The following FAM114A2 variants were observed in gnomAD, a reference collection of about 807,000 sequenced individuals.
The protein encoded by FAM114A2 is family with sequence similarity 114 member A2, also known as protein FAM114A2.
Under a neutral mutation model 58.4 loss-of-function variants are expected in FAM114A2, and 53 were observed. That is an observed-to-expected ratio of 0.91 (90% CI 0.73 to 1.14). FAM114A2 has a LOEUF of 1.14. Ranked by LOEUF, FAM114A2 falls within the 50% of genes most tolerant of loss-of-function variation. The pLI is 0.00. For synonymous variants in FAM114A2, 228 were observed against 211.4 expected, an observed-to-expected ratio of 1.08 and a Z score of -0.68; for missense variants, 601 against 581.1, an observed-to-expected ratio of 1.03 and a Z score of -0.35.
chr5:154,027,551 A>G, intron 6 of FAM114A2: 1 of 395,780 alleles, frequency 2.5e-6, no homozygotes, highest in Non-Finnish European at 4.5e-6. Context: ...CCCAGGCTGG[A>G]GTGCAGTGGC....
rs754928598 is a variant in FAM114A2 at position 154,026,501 on chromosome 5, G to C, written c.811C>G (p.Leu271Val). Residue 271 changes from leucine to valine, a missense_variant, in exon 8 of 14, where the codon CTG becomes GTG. Leu to Val is a conservative substitution (Grantham distance 32, BLOSUM62 1). Transcript: ENST00000351797. ...EIKVKSILNS[L>V]SGEELETLKV... Reference sequence around the variant, plus strand: ...AGAGTCTCTAATTCTTCTCCACTCAGAGAATTAAGGATAGATTTCACCTGA... The same window carrying C: ...AGAGTCTCTAATTCTTCTCCACTCACAGAATTAAGGATAGATTTCACCTGA... 5 of 1,534,394 alleles carry C rather than the reference G, an allele frequency of 3.3e-6. No homozygotes were observed. In the South Asian group the frequency reaches 5.1e-5, roughly 16 times the overall value.
At chr5:154,021,131 T>C (rs1442623727) in intron 8 of FAM114A2, among the ~76,000 whole-genome samples, 2 of 152,180 alleles carry the variant, frequency 1.3e-5, no homozygotes, top group South Asian at 2.1e-4. Flanking sequence ...AAACTAGGTA[T>C]TGATGGAACG....
At chr5:154,020,510 A>G (rs760492386) in intron 8 of FAM114A2, among the ~76,000 whole-genome samples, 1 of 152,198 alleles carries the variant, frequency 6.6e-6, no homozygotes, top group Non-Finnish European at 1.5e-5. Context: ...AGAGAATACT[A>G]TCAACACCTC....
At chr5:154,005,947 C>T (rs755960075) in intron 9 of FAM114A2, among the ~76,000 whole-genome samples, 3 of 152,156 alleles carry the variant, frequency 2.0e-5, no homozygotes, top group Non-Finnish European at 2.9e-5. Flanking sequence ...CAAGGCTACC[C>T]GAATGAGCTA....
At chr5:154,029,151 C>A (rs1772008077) in intron 5 of FAM114A2, among the ~76,000 whole-genome samples, 1 of 152,088 alleles carries the variant, frequency 6.6e-6, no homozygotes, top group South Asian at 2.1e-4. Context: ...CTAAAAGATG[C>A]AACTATGAGA....
chr5:154,000,892 T>G (rs1769926132), intron 11 of FAM114A2, among the ~76,000 whole-genome samples: 2 of 152,240 alleles, frequency 1.3e-5, no homozygotes, highest in Non-Finnish European at 2.9e-5. Context: ...TCTCAGTTCT[T>G]AATAATAGTT....
At chr5:154,034,006 C>G (rs1772368214) in intron 3 of FAM114A2, 123 bp from the exon 4 acceptor site, 1 of 687,088 alleles carries the variant, frequency 1.5e-6, no homozygotes, top group Admixed American at 2.9e-5. Context: ...CAATACATAA[C>G]TAATCTTGGC....
intron 5 of FAM114A2, among the ~76,000 whole-genome samples, chr5:154,028,780 G>A (rs1420670384): frequency 6.6e-6 from 1 of 152,184 alleles, no homozygotes; most frequent in African/African-American, 2.4e-5. Context: ...TTCCACTTAT[G>A]TAAAGCTGAA....
At position 154,035,731 on chromosome 5, in the gene FAM114A2, TAAGTTC is replaced by T. The variant is rs1772512990; in HGVS notation, c.-14-770_-14-765del. ...GAGTGCAACTGCTGGGTCATATGGT[TAAGTTC>T]ATGTTTAGTTTTATGAGAAACTGCC... On this transcript the variant is annotated intron_variant, in intron 1 of 13. Coordinates refer to ENST00000351797, the MANE Select transcript of FAM114A2 (RefSeq NM_018691.4). Among the ~76,000 whole-genome samples, 3 of 152,372 alleles carry T rather than the reference TAAGTTC, an allele frequency of 2.0e-5. No individual in the cohort carries two copies. In the East Asian group the frequency reaches 5.8e-4, roughly 29 times the overall value.
At chr5:154,020,782 C>T (rs1581809908) in intron 8 of FAM114A2, among the ~76,000 whole-genome samples, 1 of 152,132 alleles carries the variant, frequency 6.6e-6, no homozygotes, top group East Asian at 1.9e-4. Flanking sequence ...AGGAATCCTC[C>T]CTAACTCATT....
intron 9 of FAM114A2, among the ~76,000 whole-genome samples, chr5:154,003,178 TA>T (rs201359989): frequency 0.012 from 1,769 of 142,572 alleles, 48 homozygotes; most frequent in African/African-American, 0.045. Context: ...TAATTGGTAG[TA>T]TTTTTTTTTT....
chr5:154,000,268 AAAAT>A (rs1056008606), intron 11 of FAM114A2, among the ~76,000 whole-genome samples: 5 of 152,166 alleles, frequency 3.3e-5, no homozygotes, highest in Non-Finnish European at 5.9e-5. Flanking sequence ...TAGATAGAAA[AAAAT>A]AAAGTCTAAT....
Position 154,034,901 on chromosome 5 carries a change from A to G in FAM114A2, c.53T>C (p.Ile18Thr), listed in dbSNP as rs201962733. The stretch of plus-strand genomic sequence containing the variant: ...TGGCTCACAGTTTCCATCTTCAAGG[A>G]TGGGGGCTGCTTCAGTTAGCAGTGG... ...ETPLLTEAAP[I>T]LEDGNCEPAK... The change falls in exon 2 of 14, where the codon ATC (isoleucine) becomes ACC (threonine). Residue 18 changes from isoleucine to threonine, a missense_variant. Physicochemically the swap from Ile to Thr is moderately conservative, Grantham distance 89 (BLOSUM62 -1). Transcript: ENST00000351797. The G allele has an allele frequency of 1.5e-5, 25 of 1,614,028 alleles. No individual in the cohort carries two copies. In the African/African-American group the frequency reaches 3.2e-4, roughly 21 times the overall value.
chr5:153,993,148 G>A, intron 13 of FAM114A2, 38 bp from the exon 14 acceptor site: 2 of 1,570,578 alleles, frequency 1.3e-6, no homozygotes, highest in East Asian at 2.3e-5. Flanking sequence ...GAAAATATTA[G>A]TTATTTAAAA....
chr5:154,030,327 T>C (rs965324843), intron 4 of FAM114A2, among the ~76,000 whole-genome samples: 1 of 152,174 alleles, frequency 6.6e-6, no homozygotes, highest in Middle Eastern at 3.2e-3. Context: ...AGAACAACCA[T>C]TATACCAAAT....
rs1772713189 is a variant in FAM114A2, at chr5:154,038,114, G to A, written c.-15+743C>T. Among the ~76,000 whole-genome samples, 3 of 152,026 alleles carry A rather than the reference G, an allele frequency of 2.0e-5. No homozygotes were observed. The South Asian group carries it at 6.2e-4, about 32-fold the overall frequency. ...TTTTTGTAAGTCTTCCAGGCATTGT[G>A]TAGTAAGCGTGTAGAAATAATTGTA... On this transcript the variant is annotated intron_variant, in intron 1 of 13. Transcript: ENST00000351797.
At chr5:154,006,492 G>C (rs566167125) in intron 9 of FAM114A2, among the ~76,000 whole-genome samples, 5 of 152,250 alleles carry the variant, frequency 3.3e-5, no homozygotes, top group African/African-American at 1.2e-4. Context: ...AAATCAGCTT[G>C]GTACACCTGA....
chr5:153,990,349 C>T lies in FAM114A2; in HGVS notation c.*2627G>A, dbSNP rs1232974691. Reference sequence around the variant, plus strand: ...TACAAAAGAAAGCATCCTTTTTCAGCAGTAGGAACCCACAAGATCTTGTTC... The same window carrying T: ...TACAAAAGAAAGCATCCTTTTTCAGTAGTAGGAACCCACAAGATCTTGTTC... On this transcript the variant is annotated 3_prime_UTR_variant, in exon 14 of 14. Transcript: ENST00000351797. The T allele has an allele frequency of 1.3e-5, 2 of 152,114 alleles. No homozygotes were observed. The highest frequency in any genetic ancestry group is 4.8e-5 in the African/African-American group (2 of 41,428). 9.4% of individuals were successfully genotyped at this position (152,114 alleles called of 1,614,324 possible).
chr5:154,033,943 T>C (rs781760856), intron 3 of FAM114A2, 60 bp from the exon 4 acceptor site: 34 of 1,064,054 alleles, frequency 3.2e-5, no homozygotes, highest in Non-Finnish European at 4.7e-5. Flanking sequence ...GAAACAAAAA[T>C]CAAACTTGAA....
Sources: allele counts gnomAD v4.1 joint callset (sites outside exome capture counted in the v4.1 genomes callset), GRCh38; gene constraint gnomAD v4.1.1; transcripts MANE v1.5; gene names NCBI Gene and HGNC (gene_info 2026-07-23, HGNC 2026-07-21).